ZSWIM5: variants seen among roughly 807,000 people sequenced by gnomAD.
ZSWIM5 encodes the protein zinc finger SWIM-type containing 5.
A neutral mutation model predicts 119.6 loss-of-function variants in ZSWIM5; 55 were observed. The observed-to-expected ratio is 0.46, with a 90% CI of 0.37 to 0.58. The LOEUF (loss-of-function observed/expected upper bound fraction) is 0.58, where lower values mean the gene tolerates loss of function less well. Among genes scored for constraint, ZSWIM5 ranks in the 20% least tolerant of loss-of-function variants. The pLI, the probability that ZSWIM5 is intolerant of heterozygous loss-of-function variation, is 0.00. For missense variants in ZSWIM5, 1,193 were observed against 1,512.8 expected (o/e 0.79, Z 3.51); for synonymous variants, 537 against 606.9 (o/e 0.88, Z 1.69).
At chr1:45,202,464 C>T (rs1251923049) in intron 1 of ZSWIM5, among the ~76,000 whole-genome samples, 1 of 151,890 alleles carries the variant, frequency 6.6e-6, no homozygotes, top group Non-Finnish European at 1.5e-5. Flanking sequence ...TGTAATTGTA[C>T]CTCTTCCACA....
chr1:45,144,555 G>A (rs957580492), intron 1 of ZSWIM5, among the ~76,000 whole-genome samples: 1 of 151,944 alleles, frequency 6.6e-6, no homozygotes, highest in African/African-American at 2.4e-5. Flanking sequence ...ATGGCCAATC[G>A]ATTTTGCAAA....
chr1:45,107,006 T>C (rs1645485012), intron 1 of ZSWIM5, among the ~76,000 whole-genome samples: 2 of 152,178 alleles, frequency 1.3e-5, no homozygotes, highest in Non-Finnish European at 2.9e-5. Flanking sequence ...AACAGATACT[T>C]GAAGACAGCA....
At chr1:45,105,887 A>G (rs867014683) in intron 1 of ZSWIM5, among the ~76,000 whole-genome samples, 1,940 of 83,508 alleles carry the variant, frequency 0.023, 82 homozygotes, top group African/African-American at 0.083. Flanking sequence ...AGTGAGGAGC[A>G]CCTCTGCCCG....
intron 1 of ZSWIM5, among the ~76,000 whole-genome samples, chr1:45,173,777 GTTA>G (rs1645959853): frequency 6.6e-6 from 1 of 152,038 alleles, no homozygotes; most frequent in Non-Finnish European, 1.5e-5. Context: ...TTTTAATATT[GTTA>G]TTATTGTTAT....
intron 1 of ZSWIM5, among the ~76,000 whole-genome samples, chr1:45,089,130 GC>G (rs1270891633): frequency 6.6e-6 from 1 of 152,016 alleles, no homozygotes; most frequent in Non-Finnish European, 1.5e-5. Context: ...TGAAAAACGA[GC>G]CAGGCACAGT....
chr1:45,039,395 T>C (rs544408678), intron 7 of ZSWIM5, among the ~76,000 whole-genome samples: 1 of 152,298 alleles, frequency 6.6e-6, no homozygotes, highest in African/African-American at 2.4e-5. Flanking sequence ...TATTTAAAAA[T>C]TTATTTTTGA....
At chr1:45,029,965 A>C (rs1333928805) in intron 11 of ZSWIM5, among the ~76,000 whole-genome samples, 5 of 151,988 alleles carry the variant, frequency 3.3e-5, no homozygotes, top group African/African-American at 1.2e-4. Context: ...CTACCTGTTT[A>C]TGTTTTTAGA....
In ZSWIM5 at chr1:45,088,259, T is replaced by C; in HGVS notation, c.596-22A>G. The C allele has an allele frequency of 6.6e-7, 1 of 1,514,932 alleles. No individual in the cohort carries two copies. Among genetic ancestry groups the C allele is most frequent in the Non-Finnish European group, 8.9e-7 (1 of 1,120,532 alleles). 93.8% of individuals were successfully genotyped at this position (1,514,932 alleles called of 1,614,324 possible). A position where few individuals can be genotyped will look rare whatever the true frequency, so the allele number is the denominator to read the frequency against. On this transcript the variant is annotated intron_variant, in intron 1 of 13. Transcript: ENST00000359600. The surrounding 1 kb of genome is among the most constrained non-coding windows in gnomAD (Gnocchi z 4.2). Reference sequence around the variant, plus strand: ...AAGCCTAAGGAAACACAAAAGAAACTGTGTTTAGAGATTCTAGAGTAATAA... The same window carrying C: ...AAGCCTAAGGAAACACAAAAGAAACCGTGTTTAGAGATTCTAGAGTAATAA...
At chr1:45,020,815 G>T (rs375162704) in intron 11 of ZSWIM5, 27 bp from the exon 12 acceptor site, 2 of 1,606,428 alleles carry the variant, frequency 1.2e-6, no homozygotes, top group Admixed American at 1.7e-5. Context: ...AAGGGGCAGG[G>T]TCTATTTTAA....
intron 1 of ZSWIM5, among the ~76,000 whole-genome samples, chr1:45,196,732 C>T (rs1484739391): frequency 6.6e-6 from 1 of 152,064 alleles, no homozygotes; most frequent in Non-Finnish European, 1.5e-5. Context: ...TTTTGAGGTA[C>T]AATTTACAAT....
chr1:45,076,494 T>C (rs1645257192), intron 2 of ZSWIM5, among the ~76,000 whole-genome samples: 1 of 152,198 alleles, frequency 6.6e-6, no homozygotes. Flanking sequence ...CTCCATTGTA[T>C]GTTACTTTTT....
rs79463368 is a variant in ZSWIM5, at chr1:45,135,196, A to G, written c.596-46959T>C. On this transcript the variant is annotated intron_variant, in intron 1 of 13. Transcript: ENST00000359600. ...AATACCATTTTACATTCCCACTCAC[A>G]GTGCATGTGGGTTCCAATTTTTCTG... Among the ~76,000 whole-genome samples, 1,147 of 151,372 alleles carry G rather than the reference A, an allele frequency of 7.6e-3. 20 individuals are homozygous for G. The highest frequency in any genetic ancestry group is 0.027 in the African/African-American group (1,107 of 41,238).
In ZSWIM5 at chr1:45,047,860, C is replaced by T. The variant is rs151336839; in HGVS notation, c.1432+3214G>A. Among the ~76,000 whole-genome samples the T allele has an allele frequency of 7.2e-5, 11 of 152,046 alleles. No homozygotes were observed. The East Asian group carries it at 2.1e-3, about 30-fold the overall frequency. On this transcript the variant is annotated intron_variant, in intron 5 of 13. Coordinates refer to ENST00000359600, the MANE Select transcript of ZSWIM5 (RefSeq NM_020883.2). ...AACAGGAAGCAAGCCTCAGTTGAAA[C>T]TGAGGAAGGAGAGGAAGTACAGAAA...
chr1:45,116,979 G>A (rs1409451891), intron 1 of ZSWIM5, among the ~76,000 whole-genome samples: 3 of 152,094 alleles, frequency 2.0e-5, no homozygotes, highest in Non-Finnish European at 2.9e-5. Context: ...GGTAACACAC[G>A]TAGTCAAAAC....
In ZSWIM5 at chr1:45,062,944, T is replaced by C. The variant is rs536386470; in HGVS notation, c.953-2697A>G. The stretch of plus-strand genomic sequence containing the variant: ...CCCAGGTAGTGAGCATAGTACCCAA[T>C]AGGTACTTTTTCAGATCTTGTCCCT... On this transcript the variant is annotated intron_variant, in intron 2 of 13. Transcript: ENST00000359600. 9.1e-4 allele frequency among the ~76,000 whole-genome samples: 138 copies of C among 152,300 alleles called. 1 individual carries two copies. Among genetic ancestry groups the C allele is most frequent in the Non-Finnish European group, 1.3e-3 (87 of 68,020 alleles).
chr1:45,033,738 C>G (rs139094879), intron 11 of ZSWIM5, among the ~76,000 whole-genome samples: 2 of 152,024 alleles, frequency 1.3e-5, no homozygotes, highest in Admixed American at 6.6e-5. Context: ...GAAACTGAGG[C>G]GTAGAAAGGT....
intron 1 of ZSWIM5, among the ~76,000 whole-genome samples, chr1:45,095,670 G>A (rs1401297335): frequency 6.6e-6 from 1 of 152,106 alleles, no homozygotes; most frequent in Non-Finnish European, 1.5e-5. Context: ...ACGCCTGATT[G>A]TCTTTCTTTT....
intron 1 of ZSWIM5, among the ~76,000 whole-genome samples, chr1:45,102,040 A>T (rs1203668408): frequency 3.4e-4 from 25 of 74,040 alleles, no homozygotes; most frequent in Admixed American, 2.3e-3. Context: ...AAAGTATAAT[A>T]AAAAAAAAAA....
intron 1 of ZSWIM5, among the ~76,000 whole-genome samples, chr1:45,201,004 A>G (rs148695693): frequency 6.6e-6 from 1 of 152,190 alleles, no homozygotes; most frequent in East Asian, 1.9e-4. Context: ...AGATGAGGTC[A>G]TACTGGAGTA....
Sources: allele counts gnomAD v4.1 joint callset (sites outside exome capture counted in the v4.1 genomes callset), GRCh38; gene constraint gnomAD v4.1.1; non-coding constraint Gnocchi (gnomAD v3.1); transcripts MANE v1.5; gene names NCBI Gene and HGNC (gene_info 2026-07-23, HGNC 2026-07-21).